The following LRCH1 variants were observed in gnomAD, a reference collection of about 807,000 sequenced individuals.
LRCH1 encodes leucine rich repeats and calponin homology domain containing 1.
In LRCH1, 23 loss-of-function variants were observed where a neutral mutation model predicts 94.9. That is an observed-to-expected ratio of 0.24 (90% CI 0.17 to 0.34). The LOEUF is 0.34. LRCH1 is among the 10% of genes least tolerant of loss of function. LRCH1 has a pLI of 1.00. For synonymous variants in LRCH1, 364 were observed against 354.9 expected, an observed-to-expected ratio of 1.03 and a Z score of -0.29; for missense variants, 790 against 945.9, an observed-to-expected ratio of 0.84 and a Z score of 2.16.
intron 8 of LRCH1, among the ~76,000 whole-genome samples, chr13:46,694,186 C>A (rs2138165937): frequency 6.6e-6 from 1 of 152,316 alleles, no homozygotes; most frequent in East Asian, 1.9e-4. Context: ...GGTGTTCCCC[C>A]TCTCGTCTAG....
At position 46,702,000 on chromosome 13, in the gene LRCH1, G is replaced by A. The variant is rs1316141450; in HGVS notation, c.1400+793G>A. Among the ~76,000 whole-genome samples, 4 of 152,284 alleles carry A rather than the reference G, an allele frequency of 2.6e-5. No individual in the cohort carries two copies. The East Asian group carries it at 7.7e-4, about 29-fold the overall frequency. ...GAGAATATACCACCTATGATGTCTGGCCCTGAAAGAATAGTGGCGGATCAG... is the reference window on the plus strand; with the variant it reads ...GAGAATATACCACCTATGATGTCTGACCCTGAAAGAATAGTGGCGGATCAG... On this transcript the variant is annotated intron_variant, in intron 11 of 19. Transcript: ENST00000389797.
At chr13:46,642,724 G>A (rs1242770103) in intron 1 of LRCH1, among the ~76,000 whole-genome samples, 1 of 152,142 alleles carries the variant, frequency 6.6e-6, no homozygotes, top group Non-Finnish European at 1.5e-5. Context: ...CCCTTTCTGG[G>A]AACTACCTCT....
intron 13 of LRCH1, among the ~76,000 whole-genome samples, chr13:46,707,603 G>A (rs1488115999): frequency 1.3e-5 from 2 of 152,132 alleles, no homozygotes; most frequent in East Asian, 3.8e-4. Flanking sequence ...ATGATTTCAG[G>A]AGCACAAGAA....
At chr13:46,647,656 T>G (rs1362145353) in intron 1 of LRCH1, among the ~76,000 whole-genome samples, 1 of 152,200 alleles carries the variant, frequency 6.6e-6, no homozygotes, top group African/African-American at 2.4e-5. Context: ...CTTTATACTA[T>G]TCATACAAAG....
intron 4 of LRCH1, 30 bp from the exon 5 acceptor site, chr13:46,685,875 T>A: frequency 2.1e-6 from 3 of 1,455,720 alleles, no homozygotes; most frequent in Non-Finnish European, 2.8e-6. Context: ...AGGTTTTTTC[T>A]TTCTTTTTTT....
At chr13:46,737,393 C>T (rs1039738387) in intron 19 of LRCH1, among the ~76,000 whole-genome samples, 1 of 152,182 alleles carries the variant, frequency 6.6e-6, no homozygotes, top group Admixed American at 6.5e-5. Context: ...AGCCACTGTG[C>T]CCAACCCTTG....
In LRCH1 at chr13:46,558,572, CAAAAAAAAA is replaced by C. The variant is rs575874794; in HGVS notation, c.307+4887_307+4895del. 2.0e-3 allele frequency among the ~76,000 whole-genome samples: 68 copies of C among 34,398 alleles called. 1 individual carries two copies. Among genetic ancestry groups the C allele is most frequent in the Non-Finnish European group, 2.6e-3 (45 of 17,008 alleles). 22.6% of individuals were successfully genotyped at this position (34,398 alleles called of 152,430 possible). The stretch of plus-strand genomic sequence containing the variant: ...CCAAGACGGTGAAACCCTGTGTCTA[CAAAAAAAAA>C]AAAAAAAAAAAAAAAAAGCTGGGTT... On this transcript the variant is annotated intron_variant, in intron 1 of 19. Coordinates refer to ENST00000389797, the MANE Select transcript of LRCH1 (RefSeq NM_001164211.2).
intron 1 of LRCH1, among the ~76,000 whole-genome samples, chr13:46,577,157 T>G (rs1403078239): frequency 2.0e-5 from 3 of 152,142 alleles, no homozygotes; most frequent in Non-Finnish European, 4.4e-5. Flanking sequence ...GCAACCTCGG[T>G]GCCATCTCGG....
intron 17 of LRCH1, among the ~76,000 whole-genome samples, chr13:46,727,956 A>C (rs908001322): frequency 1.1e-4 from 17 of 150,946 alleles, no homozygotes; most frequent in Non-Finnish European, 2.1e-4. Flanking sequence ...TCACTCTGTC[A>C]ACCAGGTTGG....
At chr13:46,723,750 T>C (rs1356430060) in intron 17 of LRCH1, among the ~76,000 whole-genome samples, 1 of 152,004 alleles carries the variant, frequency 6.6e-6, no homozygotes, top group Non-Finnish European at 1.5e-5. Context: ...CAGTGATTTA[T>C]GATTGTACCA....
chr13:46,742,930 C>T lies in LRCH1; in HGVS notation c.*1082C>T, dbSNP rs187618671. The T allele has an allele frequency of 3.0e-6, 3 of 985,306 alleles. No individual in the cohort carries two copies. Among genetic ancestry groups the T allele is most frequent in the African/African-American group, 1.7e-5 (1 of 57,328 alleles). The allele number at this position is 985,306 out of a possible 1,614,324, so 61.0% of individuals were successfully genotyped here. ...TAACTAGCAAACTGCTTTAAGTCAG[C>T]TCAAAGGATTATATAGTAACTATAT... On this transcript the variant is annotated 3_prime_UTR_variant, in exon 20 of 20. Transcript: ENST00000389797.
chr13:46,606,146 TTATG>T (rs2050684377), intron 1 of LRCH1, among the ~76,000 whole-genome samples: 2 of 103,868 alleles, frequency 1.9e-5, no homozygotes, highest in African/African-American at 7.2e-5. Context: ...AATTTTAACC[TTATG>T]TGTGTGTGTG....
chr13:46,671,474 T>C (rs1027733574), intron 3 of LRCH1, among the ~76,000 whole-genome samples: 1 of 152,184 alleles, frequency 6.6e-6, no homozygotes, highest in Non-Finnish European at 1.5e-5. Context: ...CCTGGAAAGA[T>C]GGCTGGGGCA....
Position 46,553,228 on chromosome 13 carries a change from C to A in LRCH1, c.-169C>A, listed in dbSNP as rs2050018261. Reference sequence around the variant, plus strand: ...CAAGACCGAGCTGCCACGGCCGCCTCCCCGCCCGCCCCCCATTCTACGCGC... The same window carrying A: ...CAAGACCGAGCTGCCACGGCCGCCTACCCGCCCGCCCCCCATTCTACGCGC... On this transcript the variant is annotated 5_prime_UTR_variant, in exon 1 of 20. Coordinates refer to ENST00000389797, the MANE Select transcript of LRCH1 (RefSeq NM_001164211.2). The A allele has an allele frequency of 3.0e-5, 14 of 460,422 alleles. No homozygotes were observed. The highest frequency in any genetic ancestry group is 4.7e-5 in the East Asian group (1 of 21,452). 28.5% of individuals were successfully genotyped at this position (460,422 alleles called of 1,614,324 possible). A position where few individuals can be genotyped will look rare whatever the true frequency, so the allele number is the denominator to read the frequency against.
intron 1 of LRCH1, among the ~76,000 whole-genome samples, chr13:46,618,272 GTATT>G (rs2050835987): frequency 6.6e-6 from 1 of 152,164 alleles, no homozygotes; most frequent in African/African-American, 2.4e-5. Context: ...AAAATGGTAA[GTATT>G]TGTGTATCTA....
intron 2 of LRCH1, among the ~76,000 whole-genome samples, chr13:46,667,540 G>A (rs542582365): frequency 1.3e-3 from 22 of 16,458 alleles, no homozygotes; most frequent in African/African-American, 2.8e-3. Flanking sequence ...GTGGGGGGAG[G>A]GGGGGAGGGA....
intron 19 of LRCH1, among the ~76,000 whole-genome samples, chr13:46,738,081 TGTC>T (rs1873474220): frequency 6.6e-6 from 1 of 152,208 alleles, no homozygotes; most frequent in African/African-American, 2.4e-5. Context: ...TGTACTCTGT[TGTC>T]TAAATGTTCA....
chr13:46,619,531 A>G (rs973187132), intron 1 of LRCH1, among the ~76,000 whole-genome samples: 43 of 152,232 alleles, frequency 2.8e-4, no homozygotes, highest in African/African-American at 9.9e-4. Flanking sequence ...AACAGTCTCA[A>G]AGTGAGGGCC....
At chr13:46,594,821 A>G (rs2050541099) in intron 1 of LRCH1, among the ~76,000 whole-genome samples, 1 of 152,174 alleles carries the variant, frequency 6.6e-6, no homozygotes, top group African/African-American at 2.4e-5. Flanking sequence ...ATATGGCTAA[A>G]TGTGTGTGTT....
Sources: gnomAD v4.1 joint callset for allele counts (sites outside exome capture counted in the v4.1 genomes callset) on GRCh38, gnomAD v4.1.1 for gene constraint, MANE v1.5 for transcripts, NCBI Gene and HGNC (gene_info 2026-07-23, HGNC 2026-07-21) for gene names.